Variants in LRRC37A2 observed in about 807,000 individuals in gnomAD.
LRRC37A2 encodes the protein leucine rich repeat containing 37 member A2.
A neutral mutation model predicts 68.8 loss-of-function variants in LRRC37A2; 9 were observed. The ratio of observed to expected loss-of-function variants is 0.13; its 90% CI spans 0.08 to 0.23. The LOEUF (loss-of-function observed/expected upper bound fraction) is 0.23, where lower values mean the gene tolerates loss of function less well. Among genes scored for constraint, LRRC37A2 ranks in the 10% least tolerant of loss-of-function variants. LRRC37A2 has a pLI of 1.00. For missense variants in LRRC37A2, 168 were observed against 950.4 expected, an observed-to-expected ratio of 0.18 and a Z score of 10.82; for synonymous variants, 63 against 367.6, an observed-to-expected ratio of 0.17 and a Z score of 9.48.
At chr17:46,806,292 A>G in the LRRC37A2 span, among the ~76,000 whole-genome samples, 1 of 139,070 alleles carries the variant, frequency 7.2e-6, no homozygotes, top group African/African-American at 2.7e-5. Flanking sequence ...GCTCACCGCA[A>G]CTTCAGCCCT....
chr17:46,583,654 C>T, the LRRC37A2 span, among the ~76,000 whole-genome samples: 1 of 70,416 alleles, frequency 1.4e-5, no homozygotes, highest in Admixed American at 1.5e-4. Flanking sequence ...AGTATGGTCA[C>T]ATTACTGAAT....
the LRRC37A2 span, among the ~76,000 whole-genome samples, chr17:46,767,757 GCA>G: frequency 5.3e-5 from 8 of 152,070 alleles, no homozygotes; most frequent in Non-Finnish European, 8.8e-5. Context: ...CACCTAATGT[GCA>G]CACACTGAAT....
At chr17:46,776,957 G>A in the LRRC37A2 span, among the ~76,000 whole-genome samples, 1 of 152,114 alleles carries the variant, frequency 6.6e-6, no homozygotes, top group Non-Finnish European at 1.5e-5. Flanking sequence ...GCAGGCCTGG[G>A]CACCCTCAAG....
At chr17:46,987,723 G>A in the LRRC37A2 span, among the ~76,000 whole-genome samples, 1 of 152,122 alleles carries the variant, frequency 6.6e-6, no homozygotes, top group South Asian at 2.1e-4. Context: ...GGTAGAAACA[G>A]CCCAGCTATT....
the LRRC37A2 span, among the ~76,000 whole-genome samples, chr17:46,741,836 G>A: frequency 6.6e-6 from 1 of 152,208 alleles, no homozygotes; most frequent in Admixed American, 6.5e-5. Context: ...GCGCCATCTC[G>A]GCTCACTGCA....
the LRRC37A2 span, chr17:46,876,145 A>G: frequency 3.4e-6 from 4 of 1,178,616 alleles, no homozygotes; most frequent in Non-Finnish European, 4.7e-6. Flanking sequence ...TCTCTTTCCC[A>G]TTCTCCTGCC....
At chr17:46,976,966 T>A in the LRRC37A2 span, among the ~76,000 whole-genome samples, 1 of 152,156 alleles carries the variant, frequency 6.6e-6, no homozygotes, top group Non-Finnish European at 1.5e-5. Flanking sequence ...ACAAGGAGTG[T>A]CAGTTCCTCC....
At chr17:46,812,030 G>C in the LRRC37A2 span, among the ~76,000 whole-genome samples, 1 of 152,152 alleles carries the variant, frequency 6.6e-6, no homozygotes, top group Non-Finnish European at 1.5e-5. Context: ...CAGAAGCAGG[G>C]AGGAGACCCA....
At chr17:46,696,384 C>G in the LRRC37A2 span, among the ~76,000 whole-genome samples, 1 of 140,774 alleles carries the variant, frequency 7.1e-6, no homozygotes, top group East Asian at 3.2e-4. Context: ...CGTGCAGTAA[C>G]AGAAAGTACA....
the LRRC37A2 span, among the ~76,000 whole-genome samples, chr17:46,986,344 C>A: frequency 2.0e-5 from 3 of 152,020 alleles, no homozygotes; most frequent in African/African-American, 7.3e-5. Flanking sequence ...TGAGGTAATG[C>A]CTGGAAACGG....
the LRRC37A2 span, among the ~76,000 whole-genome samples, chr17:46,866,642 C>A: frequency 6.6e-6 from 1 of 152,176 alleles, no homozygotes; most frequent in East Asian, 1.9e-4. Context: ...GCACCCCGGG[C>A]AGCACAAGGC....
chr17:46,558,209 A>G (rs1290214772), downstream of LRRC37A2, among the ~76,000 whole-genome samples: 59 of 102,174 alleles, frequency 5.8e-4, 1 homozygote, highest in East Asian at 5.8e-3. Flanking sequence ...ACAGGCATGC[A>G]CCACCATGCC....
chr17:46,794,757 T>TC, the LRRC37A2 span, among the ~76,000 whole-genome samples: 1 of 149,538 alleles, frequency 6.7e-6, no homozygotes, highest in African/African-American at 2.5e-5. Context: ...TTTTTCTTTT[T>TC]TTTTTTTTTT....
chr17:46,534,660 T>G (rs1172338571), intron 6 of LRRC37A2, among the ~76,000 whole-genome samples: 2 of 148,978 alleles, frequency 1.3e-5, no homozygotes, highest in African/African-American at 2.6e-5. Context: ...CCCTTTTCTA[T>G]TCAACAAAAC....
chr17:46,733,869 T>G, the LRRC37A2 span, among the ~76,000 whole-genome samples: 1 of 152,214 alleles, frequency 6.6e-6, no homozygotes, highest in Non-Finnish European at 1.5e-5. Flanking sequence ...TATGATGTTG[T>G]TGAGAATAGT....
At chr17:46,492,689 G>GT in the LRRC37A2 span, among the ~76,000 whole-genome samples, 2,016 of 107,410 alleles carry the variant, frequency 0.019, 59 homozygotes, top group African/African-American at 0.045. Context: ...GTTTTGTTTT[G>GT]TTTTTTTTTT....
chr17:46,729,048 G>T, the LRRC37A2 span: 1 of 675,336 alleles, frequency 1.5e-6, no homozygotes, highest in Non-Finnish European at 2.4e-6. Flanking sequence ...TTCTGTTGTT[G>T]AAAGGATTTT....
the LRRC37A2 span, chr17:46,764,241 G>A: frequency 3.8e-4 from 58 of 152,752 alleles, no homozygotes; most frequent in African/African-American, 1.4e-3. Context: ...CCTTGCCCAT[G>A]CTGATGTCTT....
the LRRC37A2 span, among the ~76,000 whole-genome samples, chr17:46,762,274 A>C: frequency 6.6e-6 from 1 of 152,242 alleles, no homozygotes; most frequent in Non-Finnish European, 1.5e-5. Flanking sequence ...GTTGTTTTCT[A>C]AAACTGGAAA....
Sources: allele counts gnomAD v4.1 joint callset (sites outside exome capture counted in the v4.1 genomes callset), GRCh38; gene constraint gnomAD v4.1.1; transcripts MANE v1.5; gene names NCBI Gene and HGNC (gene_info 2026-07-23, HGNC 2026-07-21).